The following SCN9A variants were observed in gnomAD, a reference collection of about 807,000 sequenced individuals.
SCN9A encodes sodium voltage-gated channel alpha subunit 9.
In SCN9A, 131 loss-of-function variants were observed where a neutral mutation model predicts 187.0. That is an observed-to-expected ratio of 0.70 (90% CI 0.61 to 0.81). SCN9A has a LOEUF of 0.81. SCN9A is among the 30% of genes least tolerant of loss of function. SCN9A has a pLI of 0.00. For missense variants in SCN9A, 2,252 were observed against 2,396.6 expected, an observed-to-expected ratio of 0.94 and a Z score of 1.26; for synonymous variants, 809 against 808.6, an observed-to-expected ratio of 1.00 and a Z score of -0.01.
intron 1 of SCN9A, among the ~76,000 whole-genome samples, chr2:166,363,714 G>T (rs1218990019): frequency 1.3e-5 from 2 of 151,848 alleles, no homozygotes; most frequent in Admixed American, 6.6e-5. Context: ...ATGAATCACA[G>T]ACCTAAACGT....
chr2:166,274,691 A>T (rs1697152495), intron 16 of SCN9A, among the ~76,000 whole-genome samples: 1 of 152,162 alleles, frequency 6.6e-6, no homozygotes, highest in Non-Finnish European at 1.5e-5. Context: ...ATAATTAAAG[A>T]ATAATAATAT....
chr2:166,249,046 T>C (rs987321321), intron 18 of SCN9A, among the ~76,000 whole-genome samples: 2 of 152,180 alleles, frequency 1.3e-5, no homozygotes, highest in Admixed American at 6.6e-5. Flanking sequence ...TTCCCAAATG[T>C]TATGCATATC....
At chr2:166,362,495 C>G (rs572720574) in intron 1 of SCN9A, among the ~76,000 whole-genome samples, 43 of 151,890 alleles carry the variant, frequency 2.8e-4, no homozygotes, top group African/African-American at 1.0e-3. Context: ...TTACTTTCTG[C>G]CATTTTGGGG....
intron 18 of SCN9A, among the ~76,000 whole-genome samples, chr2:166,250,475 A>C (rs557481092): frequency 6.6e-6 from 1 of 152,256 alleles, no homozygotes; most frequent in East Asian, 1.9e-4. Flanking sequence ...TCTGAAGAAC[A>C]AGATTTTAAA....
chr2:166,330,086 A>G (rs974447774), intron 1 of SCN9A, among the ~76,000 whole-genome samples: 4 of 152,204 alleles, frequency 2.6e-5, no homozygotes, highest in African/African-American at 9.6e-5. Context: ...AAAATTTTAA[A>G]GGATGCACAA....
At chr2:166,288,093 TTATATATATA>T (rs72083111) in intron 10 of SCN9A, among the ~76,000 whole-genome samples, 14,968 of 134,890 alleles carry the variant, frequency 0.11, 961 homozygotes, top group Admixed American at 0.18. Flanking sequence ...TTCCATGTGT[TTATATATATA>T]TATATATATA....
intron 21 of SCN9A, among the ~76,000 whole-genome samples, chr2:166,230,427 G>A (rs911006037): frequency 5.9e-5 from 9 of 152,146 alleles, no homozygotes; most frequent in African/African-American, 2.2e-4. Context: ...TCTTAATAGA[G>A]CCTACCTTTT....
Position 166,320,398 on chromosome 2 carries a change from C to T in SCN9A, c.-50-8592G>A, listed in dbSNP as rs111953170. 6.4e-3 allele frequency among the ~76,000 whole-genome samples: 974 copies of T among 152,236 alleles called. 10 individuals are homozygous for T. The highest frequency in any genetic ancestry group is 0.022 in the African/African-American group (896 of 41,558). On this transcript the variant is annotated intron_variant, in intron 1 of 26. Coordinates refer to ENST00000642356, the MANE Select transcript of SCN9A (RefSeq NM_001365536.1). ...TTGAAAAATATGGACTGACTCTACA[C>T]CTTTCAAACACCATATATTTAGATA...
chr2:166,199,182 G>C lies in SCN9A; in HGVS notation c.5457C>G (p.Asn1819Lys). The change falls in exon 27 of 27, where the codon AAC becomes AAG. Residue 1819 changes from asparagine (N) to lysine (K), a missense_variant. Physicochemically the swap from Asn to Lys is moderately conservative, Grantham distance 94. This residue lies in a region of SCN9A where 345 missense variants were observed against 344.6 expected (regional missense o/e 1.00). Transcript: ENST00000642356. ...LDPPLLIAKP[N>K]KVQLIAMDLP... is the part of the protein sequence containing the mutation. ...GATCCATGGCAATGAGCTGGACTTT[G>C]TTGGGTTTTGCTATGAGAAGAGGAG... The C allele has an allele frequency of 6.2e-7, 1 of 1,614,204 alleles. No individual in the cohort carries two copies. Among genetic ancestry groups the C allele is most frequent in the East Asian group, 2.2e-5 (1 of 44,874 alleles).
intron 1 of SCN9A, among the ~76,000 whole-genome samples, chr2:166,333,770 C>T (rs1699565616): frequency 6.6e-6 from 1 of 151,928 alleles, no homozygotes; most frequent in South Asian, 2.1e-4. Context: ...TCTCCTGTTC[C>T]ATTAAAGGAT....
chr2:166,291,613 A>C (rs974360677), intron 9 of SCN9A, among the ~76,000 whole-genome samples: 22 of 152,228 alleles, frequency 1.4e-4, no homozygotes, highest in Non-Finnish European at 5.9e-5. Context: ...CATATAGCAA[A>C]GACAATTCTA....
chr2:166,363,717 C>G (rs1204874648), intron 1 of SCN9A, among the ~76,000 whole-genome samples: 1 of 151,808 alleles, frequency 6.6e-6, no homozygotes, highest in African/African-American at 2.4e-5. Flanking sequence ...AATCACAGAC[C>G]TAAACGTCAG....
At chr2:166,303,727 T>G (rs1294324191) in intron 6 of SCN9A, among the ~76,000 whole-genome samples, 1 of 152,134 alleles carries the variant, frequency 6.6e-6, no homozygotes, top group African/African-American at 2.4e-5. Flanking sequence ...CATGCTGATA[T>G]TTATGATCTC....
At chr2:166,230,136 T>G (rs1558967056) in intron 21 of SCN9A, among the ~76,000 whole-genome samples, 2 of 152,150 alleles carry the variant, frequency 1.3e-5, no homozygotes, top group Non-Finnish European at 2.9e-5. Flanking sequence ...TCTGCCATGG[T>G]AGTCATGGGT....
At chr2:166,269,424 G>A (rs1240146335) in intron 17 of SCN9A, among the ~76,000 whole-genome samples, 1 of 151,958 alleles carries the variant, frequency 6.6e-6, no homozygotes, top group Non-Finnish European at 1.5e-5. Context: ...AAGTCCAATA[G>A]GAATGTTTGT....
chr2:166,355,688 A>G (rs1700136728), intron 1 of SCN9A, among the ~76,000 whole-genome samples: 1 of 152,136 alleles, frequency 6.6e-6, no homozygotes, highest in South Asian at 2.1e-4. Context: ...TAACTTTAAC[A>G]TTAAAAATAT....
intron 7 of SCN9A, among the ~76,000 whole-genome samples, chr2:166,297,818 G>T (rs998594129): frequency 1.3e-5 from 2 of 152,086 alleles, no homozygotes; most frequent in Non-Finnish European, 2.9e-5. Context: ...TAACGGCAAA[G>T]GTTGTGGGTG....
chr2:166,374,458 T>G (rs1700638061), intron 1 of SCN9A, among the ~76,000 whole-genome samples: 1 of 152,148 alleles, frequency 6.6e-6, no homozygotes, highest in Non-Finnish European at 1.5e-5. Context: ...CAGATAAGAC[T>G]AGCTTTCAAA....
In SCN9A at chr2:166,369,930, A is replaced by G. The variant is rs528933846; in HGVS notation, c.-51+5767T>C. On this transcript the variant is annotated intron_variant, in intron 1 of 26. Coordinates refer to ENST00000642356, the MANE Select transcript of SCN9A (RefSeq NM_001365536.1). ...AGCAATCCTCCAGCCTCGGCCTCCC[A>G]AAGTGATGGGATTGCAGGGGTGACC... Among the ~76,000 whole-genome samples the G allele has an allele frequency of 5.9e-5, 9 of 152,194 alleles. No homozygotes were observed. The South Asian group carries it at 1.7e-3, about 28-fold the overall frequency.
Sources: gnomAD v4.1 joint callset for allele counts (sites outside exome capture counted in the v4.1 genomes callset) on GRCh38, gnomAD v4.1.1 for gene constraint, gnomAD v4.1.1 regional missense constraint, MANE v1.5 for transcripts, NCBI Gene and HGNC (gene_info 2026-07-23, HGNC 2026-07-21) for gene names.